Variants in CTNNA3 observed in about 807,000 individuals in gnomAD.
CTNNA3 encodes catenin alpha 3.
Under a neutral mutation model 95.7 loss-of-function variants are expected in CTNNA3, and 76 were observed. The ratio of observed to expected loss-of-function variants is 0.79; its 90% CI spans 0.66 to 0.96. The LOEUF (loss-of-function observed/expected upper bound fraction) is 0.96. Ranked by LOEUF, CTNNA3 falls within the 40% of genes least tolerant of loss-of-function variation. The pLI, the probability that CTNNA3 is intolerant of heterozygous loss-of-function variation, is 0.00. For synonymous variants in CTNNA3, 431 were observed against 374.4 expected (o/e 1.15, Z -1.74); for missense variants, 1,191 against 1,089.8 (o/e 1.09, Z -1.31).
At chr10:66,814,960 T>G (rs1316962589) in intron 7 of CTNNA3, among the ~76,000 whole-genome samples, 1 of 150,986 alleles carries the variant, frequency 6.6e-6, no homozygotes, top group Non-Finnish European at 1.5e-5. Flanking sequence ...CAAGCGATTC[T>G]CTTGCCTCAG....
chr10:66,549,997 C>T (rs1842165670), intron 10 of CTNNA3, among the ~76,000 whole-genome samples: 1 of 152,056 alleles, frequency 6.6e-6, no homozygotes, highest in Non-Finnish European at 1.5e-5. Flanking sequence ...TTAATGTCTT[C>T]ATTGATTTTT....
At chr10:66,228,436 G>T (rs2089427933) in intron 13 of CTNNA3, among the ~76,000 whole-genome samples, 1 of 151,834 alleles carries the variant, frequency 6.6e-6, no homozygotes, top group South Asian at 2.1e-4. Context: ...CCATTCAGGG[G>T]CACGTTGTTT....
intron 2 of CTNNA3, among the ~76,000 whole-genome samples, chr10:67,640,714 A>G (rs986592024): frequency 2.1e-4 from 32 of 152,174 alleles, no homozygotes; most frequent in African/African-American, 7.7e-4. Context: ...AAGTACAACC[A>G]TCTGATCTTT....
At chr10:66,683,481 T>G (rs1303842400) in intron 9 of CTNNA3, among the ~76,000 whole-genome samples, 1 of 152,190 alleles carries the variant, frequency 6.6e-6, no homozygotes, top group African/African-American at 2.4e-5. Flanking sequence ...TAGTTTAAAT[T>G]GGACTGGGAA....
In CTNNA3 at chr10:66,432,485, C is replaced by T. The variant is rs186752660; in HGVS notation, c.1532-53133G>A. On this transcript the variant is annotated intron_variant, in intron 11 of 17. Coordinates refer to ENST00000433211, the MANE Select transcript of CTNNA3 (RefSeq NM_013266.4). Reference sequence around the variant, plus strand: ...CATCCTGGCTAACACAGTGAAACCCCATCTCTACTAAAAATACAAAAAATT... The same window carrying T: ...CATCCTGGCTAACACAGTGAAACCCTATCTCTACTAAAAATACAAAAAATT... Among the ~76,000 whole-genome samples, 36 of 152,072 alleles carry T rather than the reference C, an allele frequency of 2.4e-4. No homozygotes were observed. In the East Asian group the frequency reaches 7.0e-3, roughly 30 times the overall value.
chr10:66,761,854 T>C (rs867388919), intron 9 of CTNNA3, among the ~76,000 whole-genome samples: 4 of 152,178 alleles, frequency 2.6e-5, no homozygotes, highest in Non-Finnish European at 5.9e-5. Flanking sequence ...TGGCATTTAC[T>C]AAAATCACTG....
chr10:66,181,960 A>C (rs2086061313), intron 13 of CTNNA3, among the ~76,000 whole-genome samples: 1 of 152,178 alleles, frequency 6.6e-6, no homozygotes, highest in Non-Finnish European at 1.5e-5. Flanking sequence ...GGATGATATC[A>C]TATTGTTCAA....
intron 1 of CTNNA3, among the ~76,000 whole-genome samples, chr10:67,745,199 C>T (rs1300548759): frequency 6.6e-6 from 1 of 152,166 alleles, no homozygotes; most frequent in African/African-American, 2.4e-5. Flanking sequence ...GCTATAAAGA[C>T]ACATGCACAC....
intron 11 of CTNNA3, among the ~76,000 whole-genome samples, chr10:66,435,745 T>C (rs1452258450): frequency 3.3e-5 from 5 of 152,176 alleles, no homozygotes; most frequent in African/African-American, 1.2e-4. Context: ...TGCTATTGCT[T>C]CTCTAGTTCT....
At chr10:66,213,437 G>C (rs574666926) in intron 13 of CTNNA3, among the ~76,000 whole-genome samples, 1 of 152,078 alleles carries the variant, frequency 6.6e-6, no homozygotes, top group East Asian at 1.9e-4. Context: ...TACTGACTAC[G>C]CTACATTTTT....
At chr10:66,878,308 A>G (rs1589369068) in intron 7 of CTNNA3, among the ~76,000 whole-genome samples, 1 of 152,002 alleles carries the variant, frequency 6.6e-6, no homozygotes. Flanking sequence ...CTCAACCCCC[A>G]CTATTTGCAG....
chr10:66,162,174 A>G (rs745748454), intron 13 of CTNNA3, among the ~76,000 whole-genome samples: 4 of 151,888 alleles, frequency 2.6e-5, no homozygotes, highest in Non-Finnish European at 5.9e-5. Flanking sequence ...GATTCATTTA[A>G]TAACTAACCT....
At chr10:66,239,537 A>C (rs1331675159) in intron 13 of CTNNA3, among the ~76,000 whole-genome samples, 2 of 152,130 alleles carry the variant, frequency 1.3e-5, no homozygotes, top group Non-Finnish European at 2.9e-5. Flanking sequence ...CAACAACATC[A>C]ACAAAAACAA....
intron 11 of CTNNA3, among the ~76,000 whole-genome samples, chr10:66,518,376 G>A (rs1840937519): frequency 6.6e-6 from 1 of 152,062 alleles, no homozygotes; most frequent in Non-Finnish European, 1.5e-5. Context: ...GTATTACTAT[G>A]CTAAACTACC....
At chr10:66,458,802 A>G (rs532768978) in intron 11 of CTNNA3, among the ~76,000 whole-genome samples, 1 of 152,188 alleles carries the variant, frequency 6.6e-6, no homozygotes, top group Non-Finnish European at 1.5e-5. Context: ...ATGATAAGCC[A>G]TATTTTGTTT....
At chr10:66,628,755 T>C (rs1261439046) in intron 9 of CTNNA3, among the ~76,000 whole-genome samples, 1 of 152,100 alleles carries the variant, frequency 6.6e-6, no homozygotes, top group African/African-American at 2.4e-5. Flanking sequence ...AAATCACTGA[T>C]AGATGGAACA....
intron 6 of CTNNA3, among the ~76,000 whole-genome samples, chr10:67,205,836 G>A (rs553392499): frequency 6.6e-6 from 1 of 152,298 alleles, no homozygotes; most frequent in African/African-American, 2.4e-5. Context: ...ATTTACTTTA[G>A]AAAACTTGTC....
chr10:65,965,376 T>C (rs1564545038), intron 17 of CTNNA3, among the ~76,000 whole-genome samples: 2 of 151,632 alleles, frequency 1.3e-5, no homozygotes, highest in Non-Finnish European at 1.5e-5. Context: ...CAGTCACTAT[T>C]TGTTTCCTCC....
intron 12 of CTNNA3, among the ~76,000 whole-genome samples, chr10:66,280,908 A>G (rs1239918438): frequency 2.6e-5 from 4 of 151,866 alleles, no homozygotes; most frequent in African/African-American, 9.7e-5. Flanking sequence ...TTTCTCCTTT[A>G]TATCATCTTT....
Sources: gnomAD v4.1 joint callset for allele counts (sites outside exome capture counted in the v4.1 genomes callset) on GRCh38, gnomAD v4.1.1 for gene constraint, MANE v1.5 for transcripts, NCBI Gene and HGNC (gene_info 2026-07-23, HGNC 2026-07-21) for gene names.